TUFT1: variants seen among roughly 807,000 people sequenced by gnomAD.
TUFT1 encodes the protein tuftelin.
A neutral mutation model predicts 57.8 loss-of-function variants in TUFT1; 43 were observed. That is an observed-to-expected ratio of 0.74 (90% CI 0.58 to 0.96). The LOEUF is 0.96. TUFT1 is among the 40% of genes least tolerant of loss of function. The pLI, the probability that TUFT1 is intolerant of heterozygous loss-of-function variation, is 0.00. For synonymous variants in TUFT1, 166 were observed against 176.7 expected (o/e 0.94, Z 0.48); for missense variants, 459 against 489.0 (o/e 0.94, Z 0.58).
In TUFT1 at chr1:151,570,587, A is replaced by T. The variant is rs60393350; in HGVS notation, c.594+817A>T. On this transcript the variant is annotated intron_variant, in intron 7 of 12. Coordinates refer to ENST00000368849, the MANE Select transcript of TUFT1 (RefSeq NM_020127.3). Reference sequence around the variant, plus strand: ...GAGCCACCATGCCCGGCCTGGAATGAGTATATTAATTATTGTTATAATACA... The same window carrying T: ...GAGCCACCATGCCCGGCCTGGAATGTGTATATTAATTATTGTTATAATACA... 0.029 allele frequency among the ~76,000 whole-genome samples: 4,365 copies of T among 152,194 alleles called. 489 individuals carry two copies. In the East Asian group the frequency reaches 0.31, roughly 11 times the overall value.
At chr1:151,551,691 C>G (rs1267820300) in intron 1 of TUFT1, among the ~76,000 whole-genome samples, 2 of 151,968 alleles carry the variant, frequency 1.3e-5, no homozygotes, top group Non-Finnish European at 2.9e-5. Flanking sequence ...GCTTTGGATG[C>G]CTTCTACAAT....
intron 1 of TUFT1, among the ~76,000 whole-genome samples, chr1:151,550,660 A>G (rs1665480743): frequency 6.6e-6 from 1 of 152,184 alleles, no homozygotes; most frequent in African/African-American, 2.4e-5. Flanking sequence ...TTGCTTTTTC[A>G]CTTAACACTT....
chr1:151,541,697 C>T (rs540543118), intron 1 of TUFT1, among the ~76,000 whole-genome samples: 2 of 152,246 alleles, frequency 1.3e-5, no homozygotes, highest in African/African-American at 4.8e-5. Flanking sequence ...AGTGTTTTTG[C>T]CACATTAAAA....
intron 1 of TUFT1, chr1:151,561,485 A>ACG (rs1366660947): frequency 1.2e-6 from 1 of 842,652 alleles, no homozygotes; most frequent in East Asian, 1.2e-4. Context: ...ACACACACAC[A>ACG]CACACACACA....
chr1:151,549,727 T>C (rs1418222530), intron 1 of TUFT1, among the ~76,000 whole-genome samples: 3 of 152,210 alleles, frequency 2.0e-5, no homozygotes, highest in Non-Finnish European at 4.4e-5. Context: ...ACTTCAAGTT[T>C]AGTACTTTGT....
At chr1:151,567,577 G>A (rs1014208062) in intron 6 of TUFT1, among the ~76,000 whole-genome samples, 6 of 151,824 alleles carry the variant, frequency 4.0e-5, no homozygotes, top group Admixed American at 1.3e-4. Context: ...ATGGAGTCTC[G>A]CTCTGTCACC....
At position 151,562,669 on chromosome 1, in the gene TUFT1, C is replaced by T. The variant is rs1466882211; in HGVS notation, c.220C>T (p.His74Tyr). ...ASELVESHDG[H>Y]EEIIKVYLKG... Reference sequence around the variant, plus strand: ...AGAACTGGTGGAGTCCCATGATGGACATGAGGAGATCATTAAGGTAAGCTT... The same window carrying T: ...AGAACTGGTGGAGTCCCATGATGGATATGAGGAGATCATTAAGGTAAGCTT... The change falls in exon 3 of 13, where the codon CAT (histidine) becomes TAT (tyrosine). Residue 74 changes from histidine (H) to tyrosine (Y), a missense_variant. Physicochemically the swap from His to Tyr is moderately conservative, Grantham distance 83. Coordinates refer to ENST00000368849, the MANE Select transcript of TUFT1 (RefSeq NM_020127.3). 1 of 1,613,304 alleles carries T rather than the reference C, an allele frequency of 6.2e-7. No individual in the cohort carries two copies. The highest frequency in any genetic ancestry group is 1.3e-5 in the African/African-American group (1 of 74,876).
chr1:151,562,544 ATCTC>A (rs34211422), intron 2 of TUFT1, 37 bp from the exon 3 acceptor site: 1,705 of 1,385,234 alleles, frequency 1.2e-3, no homozygotes, highest in Admixed American at 2.3e-3. Flanking sequence ...TGTCTGAGCC[ATCTC>A]TCTCTCTCTC....
chr1:151,576,174 G>A (rs1666456818), intron 9 of TUFT1, among the ~76,000 whole-genome samples: 1 of 152,068 alleles, frequency 6.6e-6, no homozygotes, highest in Admixed American at 6.5e-5. Context: ...GAAGGATAAG[G>A]GGTAGCTCAT....
In TUFT1 at chr1:151,546,573, T is replaced by TC. The variant is rs1254165163; in HGVS notation, c.60+6148dup. Among the ~76,000 whole-genome samples, 6 of 152,174 alleles carry TC rather than the reference T, an allele frequency of 3.9e-5. No homozygotes were observed. In the East Asian group the frequency reaches 1.2e-3, roughly 29 times the overall value. On this transcript the variant is annotated intron_variant, in intron 1 of 12. Transcript: ENST00000368849. ...TAGGCAGCCACCAGTCTACTTTTTT[T>TC]CTCTATGGATTTACCTATTGTGGAT...
intron 1 of TUFT1, chr1:151,557,662 GAGGGCATCCAGTATCTCCGTGATT>G (rs1665750634): frequency 2.1e-6 from 2 of 938,026 alleles, no homozygotes; most frequent in Non-Finnish European, 3.5e-6. Flanking sequence ...CGTTACCAAT[GAGGGCATCCAGTATCTCCGTGATT>G]ACCTTCATCT....
At chr1:151,580,416 T>C (rs1430447461) in intron 11 of TUFT1, among the ~76,000 whole-genome samples, 1 of 151,978 alleles carries the variant, frequency 6.6e-6, no homozygotes, top group East Asian at 1.9e-4. Flanking sequence ...ATCCCAGCAC[T>C]TAGGGAGGTT....
intron 6 of TUFT1, 80 bp from the exon 7 acceptor site, chr1:151,569,577 G>A: frequency 8.7e-7 from 1 of 1,150,904 alleles, no homozygotes; most frequent in Non-Finnish European, 1.3e-6. Context: ...CCAAACCAGT[G>A]TGTGCCTGGG....
intron 7 of TUFT1, 99 bp downstream of exon 7, chr1:151,569,869 A>C: frequency 1.0e-6 from 1 of 984,286 alleles, no homozygotes; most frequent in Non-Finnish European, 1.6e-6. Context: ...TTTCTGGCTG[A>C]GTGCCACAAA....
At chr1:151,561,987 G>C in intron 1 of TUFT1, 104 bp from the exon 2 acceptor site, 1 of 1,473,886 alleles carries the variant, frequency 6.8e-7, no homozygotes, top group Non-Finnish European at 9.4e-7. Flanking sequence ...GTGATGATAA[G>C]ACCCGCTCCA....
At chr1:151,578,028 G>GAA (rs1168900117) in intron 9 of TUFT1, among the ~76,000 whole-genome samples, 5 of 137,368 alleles carry the variant, frequency 3.6e-5, no homozygotes, top group African/African-American at 1.1e-4. Context: ...CCTGTCTCCG[G>GAA]AAAAAAAAAA....
At chr1:151,557,491 A>C (rs1665742304) in intron 1 of TUFT1, 1 of 1,418,348 alleles carries the variant, frequency 7.1e-7, no homozygotes. Flanking sequence ...ACTCCTTTTT[A>C]AGGAGGGAGT....
intron 4 of TUFT1, among the ~76,000 whole-genome samples, chr1:151,564,297 T>C (rs141864047): frequency 1.3e-5 from 2 of 152,324 alleles, no homozygotes; most frequent in East Asian, 1.9e-4. Flanking sequence ...CTTATGCCCA[T>C]ATAACATATT....
At chr1:151,558,311 T>C (rs1665777857) in intron 1 of TUFT1, among the ~76,000 whole-genome samples, 1 of 151,846 alleles carries the variant, frequency 6.6e-6, no homozygotes, top group African/African-American at 2.4e-5. Flanking sequence ...AGTATGCCAC[T>C]TCCTTCTACT....
Sources: gnomAD v4.1 joint callset for allele counts (sites outside exome capture counted in the v4.1 genomes callset) on GRCh38, gnomAD v4.1.1 for gene constraint, MANE v1.5 for transcripts, NCBI Gene and HGNC (gene_info 2026-07-23, HGNC 2026-07-21) for gene names.